Variants in DTNB observed in about 807,000 individuals in gnomAD.
DTNB encodes the protein DTN-B.
A neutral mutation model predicts 90.7 loss-of-function variants in DTNB; 63 were observed. The ratio of observed to expected loss-of-function variants is 0.69; its 90% CI spans 0.57 to 0.86. The LOEUF (loss-of-function observed/expected upper bound fraction) is 0.86, where lower values mean the gene tolerates loss of function less well. Among genes scored for constraint, DTNB ranks in the 40% least tolerant of loss-of-function variants. The pLI is 0.00. For synonymous variants in DTNB, 277 were observed against 286.7 expected, an observed-to-expected ratio of 0.97 and a Z score of 0.34; for missense variants, 744 against 807.1, an observed-to-expected ratio of 0.92 and a Z score of 0.95.
chr2:25,551,162 T>C (rs371241169), intron 8 of DTNB, among the ~76,000 whole-genome samples: 20 of 152,250 alleles, frequency 1.3e-4, no homozygotes, highest in African/African-American at 4.8e-4. Context: ...CAATTTGCTA[T>C]GTAGCCCATC....
chr2:25,629,648 G>A (rs2075251052), intron 3 of DTNB, among the ~76,000 whole-genome samples: 1 of 152,154 alleles, frequency 6.6e-6, no homozygotes, highest in Admixed American at 6.5e-5. Context: ...GGAGGGCGGA[G>A]CTTGGAAAAC....
chr2:25,409,562 G>A (rs2046095900), intron 16 of DTNB, among the ~76,000 whole-genome samples: 1 of 152,212 alleles, frequency 6.6e-6, no homozygotes, highest in African/African-American at 2.4e-5. Flanking sequence ...GTGGTGCTGA[G>A]GAGGTTGGAC....
intron 1 of DTNB, among the ~76,000 whole-genome samples, chr2:25,664,057 A>G (rs6546345): frequency 0.16 from 24,602 of 152,162 alleles, 2,586 homozygotes; most frequent in East Asian, 0.58. Context: ...AAATATCTCA[A>G]TTTATAAGAT....
chr2:25,643,711 GGAA>G (rs1281947385), intron 2 of DTNB, among the ~76,000 whole-genome samples: 1 of 152,192 alleles, frequency 6.6e-6, no homozygotes. Flanking sequence ...CTGCGTTCCA[GGAA>G]GCCATGGGTT....
At chr2:25,525,296 A>G (rs2076875886) in intron 9 of DTNB, among the ~76,000 whole-genome samples, 1 of 152,202 alleles carries the variant, frequency 6.6e-6, no homozygotes, top group Non-Finnish European at 1.5e-5. Flanking sequence ...TGATTAGATG[A>G]GGAAGAGGGA....
intron 10 of DTNB, among the ~76,000 whole-genome samples, chr2:25,472,832 C>A (rs1031380021): frequency 6.6e-6 from 1 of 152,174 alleles, no homozygotes; most frequent in Non-Finnish European, 1.5e-5. Flanking sequence ...TGCAGTGAGC[C>A]AAGATTGTGC....
chr2:25,607,376 GA>G (rs1456625400), intron 4 of DTNB, 55 bp from the exon 5 acceptor site: 5 of 1,515,508 alleles, frequency 3.3e-6, no homozygotes, highest in Non-Finnish European at 4.5e-6. Context: ...AAAAGGACTC[GA>G]ATGTATCACT....
intron 19 of DTNB, among the ~76,000 whole-genome samples, chr2:25,380,240 A>G (rs1000568272): frequency 2.0e-5 from 3 of 152,218 alleles, no homozygotes; most frequent in Admixed American, 2.0e-4. Context: ...AGAAGCAAAT[A>G]TACTCTCTCT....
At chr2:25,536,528 C>T (rs570275240) in intron 8 of DTNB, among the ~76,000 whole-genome samples, 1 of 152,318 alleles carries the variant, frequency 6.6e-6, no homozygotes, top group East Asian at 1.9e-4. Context: ...ACGGCGAAAC[C>T]CCGTCTCCAC....
At chr2:25,616,943 AAAAAAAAAAGG>A (rs1184095595) in intron 4 of DTNB, among the ~76,000 whole-genome samples, 5 of 138,234 alleles carry the variant, frequency 3.6e-5, no homozygotes, top group South Asian at 2.4e-4. Flanking sequence ...AAAAAAAAAA[AAAAAAAAAAGG>A]AAAAAAAAGA....
intron 6 of DTNB, among the ~76,000 whole-genome samples, chr2:25,590,310 C>T (rs376277233): frequency 2.0e-5 from 3 of 152,264 alleles, no homozygotes; most frequent in East Asian, 1.9e-4. Flanking sequence ...TTTTGGGTCC[C>T]GAGTTCCTGT....
At chr2:25,491,651 T>G (rs1162437276) in intron 9 of DTNB, among the ~76,000 whole-genome samples, 2 of 152,114 alleles carry the variant, frequency 1.3e-5, no homozygotes, top group Admixed American at 6.6e-5. Context: ...TCCCCTTCAC[T>G]GGGAACAGTG....
At chr2:25,552,070 A>G (rs2056383572) in intron 8 of DTNB, among the ~76,000 whole-genome samples, 1 of 152,242 alleles carries the variant, frequency 6.6e-6, no homozygotes, top group Non-Finnish European at 1.5e-5. Context: ...GGAATTAACT[A>G]TAGTTGCTGC....
intron 3 of DTNB, among the ~76,000 whole-genome samples, chr2:25,633,398 G>T (rs1158618154): frequency 2.6e-5 from 4 of 152,118 alleles, no homozygotes; most frequent in African/African-American, 7.2e-5. Context: ...GCTCCTAACC[G>T]CGAGTGATCC....
intron 5 of DTNB, among the ~76,000 whole-genome samples, chr2:25,602,610 T>C (rs1450624338): frequency 6.6e-6 from 1 of 152,202 alleles, no homozygotes; most frequent in African/African-American, 2.4e-5. Context: ...AGTTGAAACA[T>C]CAGTAGGAAT....
chr2:25,495,155 T>C (rs2068531684), intron 9 of DTNB, among the ~76,000 whole-genome samples: 1 of 152,024 alleles, frequency 6.6e-6, no homozygotes, highest in Non-Finnish European at 1.5e-5. Context: ...AACCTCCACC[T>C]CCCAGGCTCA....
chr2:25,491,210 G>C (rs143895958), intron 9 of DTNB, among the ~76,000 whole-genome samples: 1 of 151,824 alleles, frequency 6.6e-6, no homozygotes, highest in South Asian at 2.1e-4. Flanking sequence ...GGGAGGGAAC[G>C]AGGGAGGAGA....
At chr2:25,559,276 G>C (rs1034380403) in intron 8 of DTNB, among the ~76,000 whole-genome samples, 1 of 152,036 alleles carries the variant, frequency 6.6e-6, no homozygotes, top group Non-Finnish European at 1.5e-5. Context: ...CGAGGCTTAC[G>C]CATCAACCTC....
chr2:25,655,901 G>T (rs1037837430), intron 1 of DTNB, among the ~76,000 whole-genome samples: 2 of 152,000 alleles, frequency 1.3e-5, no homozygotes, highest in Non-Finnish European at 2.9e-5. Flanking sequence ...GAAAGAGATG[G>T]TATATAAATA....
Sources: allele counts gnomAD v4.1 joint callset (sites outside exome capture counted in the v4.1 genomes callset), GRCh38; gene constraint gnomAD v4.1.1; transcripts MANE v1.5; gene names NCBI Gene and HGNC (gene_info 2026-07-23, HGNC 2026-07-21).